AK8: variants seen among roughly 807,000 people sequenced by gnomAD.
AK8 encodes the protein adenylate kinase 8.
Under a neutral mutation model 54.6 loss-of-function variants are expected in AK8, and 44 were observed. The observed-to-expected ratio is 0.81, with a 90% CI of 0.63 to 1.04. The LOEUF is 1.04. AK8 is among the 50% of genes least tolerant of loss of function. The pLI is 0.00. For missense variants in AK8, 555 were observed against 613.6 expected (o/e 0.90, Z 1.01); for synonymous variants, 239 against 245.6 (o/e 0.97, Z 0.25).
chr9:132,793,227 G>C (rs1840022951), intron 10 of AK8, among the ~76,000 whole-genome samples: 1 of 152,198 alleles, frequency 6.6e-6, no homozygotes, highest in Admixed American at 6.5e-5. Flanking sequence ...GGGGTGAGAA[G>C]TCTCTCTGGG....
In AK8 at chr9:132,790,337, G is replaced by A. The variant is rs998905991; in HGVS notation, c.1121+2297C>T. On this transcript the variant is annotated intron_variant, in intron 11 of 12. Coordinates refer to ENST00000298545, the MANE Select transcript of AK8 (RefSeq NM_152572.3). This position sits in a 1 kb window ranked among gnomAD's most constrained non-coding sequence, Gnocchi z 4.1. ...GTGATCTCAGCTCACTGCAAACTCC[G>A]CCTCCTGGGTTCACACCATTCTCCT... Among the ~76,000 whole-genome samples the A allele has an allele frequency of 8.6e-5, 13 of 151,698 alleles. No individual in the cohort carries two copies. The East Asian group carries it at 1.5e-3, about 18-fold the overall frequency.
intron 9 of AK8, among the ~76,000 whole-genome samples, chr9:132,821,378 A>G (rs1420131626): frequency 6.6e-6 from 1 of 152,126 alleles, no homozygotes; most frequent in Non-Finnish European, 1.5e-5. Flanking sequence ...CATCCCTAAC[A>G]CTGCTGGAAA....
At chr9:132,789,597 C>CAAAAAAAAAAAA (rs578003731) in intron 11 of AK8, among the ~76,000 whole-genome samples, 17 of 57,538 alleles carry the variant, frequency 3.0e-4, no homozygotes, top group African/African-American at 1.0e-3. Context: ...ACTCATCTCA[C>CAAAAAAAAAAAA]AAAAAAAAAA....
chr9:132,779,505 G>C (rs1839371010), intron 11 of AK8, among the ~76,000 whole-genome samples: 1 of 152,214 alleles, frequency 6.6e-6, no homozygotes, highest in Non-Finnish European at 1.5e-5. Context: ...AACTTGTTAT[G>C]TGAGAACAGG....
chr9:132,804,600 A>G (rs215167), intron 10 of AK8, among the ~76,000 whole-genome samples: 42,842 of 151,842 alleles, frequency 0.28, 6,202 homozygotes, highest in East Asian at 0.49. Context: ...TCTGTATGTC[A>G]GGAAGTCTCT....
chr9:132,747,628 A>C (rs1837715074), intron 11 of AK8, among the ~76,000 whole-genome samples: 1 of 146,526 alleles, frequency 6.8e-6, no homozygotes, highest in Non-Finnish European at 1.5e-5. Context: ...AGGGGGTTTC[A>C]TCATGTTGGC....
intron 5 of AK8, among the ~76,000 whole-genome samples, chr9:132,838,891 G>A (rs1325461222): frequency 1.3e-5 from 2 of 152,114 alleles, no homozygotes; most frequent in East Asian, 1.9e-4. Context: ...CGTGGTGTTC[G>A]GCACATATCA....
rs1401268154 is a variant in AK8, at chr9:132,828,670, G to A, written c.459C>T (p.Thr153=). 3 of 1,612,492 alleles carry A rather than the reference G, an allele frequency of 1.9e-6. No individual in the cohort carries two copies. The highest frequency in any genetic ancestry group is 2.5e-6 in the Non-Finnish European group (3 of 1,179,262). Residue 153 remains threonine (T), a synonymous_variant, in exon 6 of 13, where the codon ACC becomes ACT. Coordinates refer to ENST00000298545, the MANE Select transcript of AK8 (RefSeq NM_152572.3). The part of the protein sequence containing the change: ...ETREQALRIQ[T]LGITPRHVIV... Reference sequence around the variant, plus strand: ...TGACGTGTCTGGGTGTGATCCCCAGGGTCTGGATCCTCAGAGCCTGCTCAC... The same window carrying A: ...TGACGTGTCTGGGTGTGATCCCCAGAGTCTGGATCCTCAGAGCCTGCTCAC...
chr9:132,861,150 C>A (rs760981789), intron 4 of AK8, among the ~76,000 whole-genome samples: 8 of 152,222 alleles, frequency 5.3e-5, no homozygotes, highest in Non-Finnish European at 1.2e-4. Context: ...TGTGAACCCC[C>A]AGCATCCTGG....
chr9:132,765,326 A>G (rs1404551876), intron 11 of AK8, among the ~76,000 whole-genome samples: 2 of 148,302 alleles, frequency 1.3e-5, no homozygotes, highest in African/African-American at 4.9e-5. Flanking sequence ...AGAATTCACC[A>G]TAATCATGTG....
At chr9:132,840,339 C>T (rs1199173714) in intron 5 of AK8, among the ~76,000 whole-genome samples, 2 of 151,960 alleles carry the variant, frequency 1.3e-5, no homozygotes, top group Non-Finnish European at 2.9e-5. Flanking sequence ...GCATTACGCT[C>T]GCGTTTGGCA....
At chr9:132,800,919 C>CT (rs34462868) in intron 10 of AK8, among the ~76,000 whole-genome samples, 47,685 of 123,596 alleles carry the variant, frequency 0.39, 10,274 homozygotes, top group South Asian at 0.48. Context: ...TCAGTTTGTC[C>CT]TTTTTTTTTT....
At chr9:132,850,938 G>C (rs1346897914) in intron 5 of AK8, among the ~76,000 whole-genome samples, 1 of 150,970 alleles carries the variant, frequency 6.6e-6, no homozygotes, top group Non-Finnish European at 1.5e-5. Context: ...GATTCTGGGA[G>C]ACAGGAAATG....
chr9:132,845,748 T>A (rs1275242007), intron 5 of AK8, among the ~76,000 whole-genome samples: 1 of 139,506 alleles, frequency 7.2e-6, no homozygotes, highest in African/African-American at 2.7e-5. Flanking sequence ...GCCACTGCAC[T>A]CCAGCCTGGG....
At chr9:132,827,304 T>C (rs1841914123) in intron 7 of AK8, 1 of 567,400 alleles carries the variant, frequency 1.8e-6, no homozygotes, top group Middle Eastern at 4.8e-4. Flanking sequence ...TCTGAGCACT[T>C]ACTCTGTGCC....
intron 5 of AK8, among the ~76,000 whole-genome samples, chr9:132,850,917 A>G (rs1842948792): frequency 6.8e-6 from 1 of 148,022 alleles, no homozygotes; most frequent in South Asian, 2.2e-4. Flanking sequence ...AAAAAAAAAG[A>G]CACAAGTTCT....
intron 3 of AK8, among the ~76,000 whole-genome samples, chr9:132,866,600 C>T (rs924885640): frequency 1.3e-5 from 2 of 152,110 alleles, no homozygotes; most frequent in Non-Finnish European, 2.9e-5. Context: ...GAAACGTACC[C>T]TAAGGATATA....
intron 11 of AK8, among the ~76,000 whole-genome samples, chr9:132,782,013 T>A (rs1839492633): frequency 1.3e-5 from 2 of 152,214 alleles, no homozygotes; most frequent in South Asian, 4.1e-4. Context: ...TATGATTAAA[T>A]CTACATTGTA....
chr9:132,836,372 G>T (rs1842322401), intron 5 of AK8, among the ~76,000 whole-genome samples: 1 of 152,182 alleles, frequency 6.6e-6, no homozygotes, highest in Non-Finnish European at 1.5e-5. Flanking sequence ...TTATAATTTT[G>T]AGAAAGGTGA....
Sources: allele counts gnomAD v4.1 joint callset (sites outside exome capture counted in the v4.1 genomes callset), GRCh38; gene constraint gnomAD v4.1.1; non-coding constraint Gnocchi (gnomAD v3.1); transcripts MANE v1.5; gene names NCBI Gene and HGNC (gene_info 2026-07-23, HGNC 2026-07-21).